The following ADARB2 variants were observed in gnomAD, a reference collection of about 807,000 sequenced individuals.
ADARB2 encodes the protein inactive double-stranded RNA-specific editase B2.
Under a neutral mutation model 62.2 loss-of-function variants are expected in ADARB2, and 25 were observed. The ratio of observed to expected loss-of-function variants is 0.40; its 90% CI spans 0.29 to 0.56. The LOEUF (loss-of-function observed/expected upper bound fraction) is 0.56. ADARB2 is among the 20% of genes least tolerant of loss of function. The pLI is 0.43. For synonymous variants in ADARB2, 572 were observed against 500.8 expected, an observed-to-expected ratio of 1.14 and a Z score of -1.90; for missense variants, 1,071 against 1,077.4, an observed-to-expected ratio of 0.99 and a Z score of 0.08.
rs1055801236 is a variant in ADARB2 at position 1,285,217 on chromosome 10, T to A, written c.1078-14148A>T. ...TTTAGAAAATGCCTGCTGAAGGGTCTCTTGGCAGCGGGGCAGGGTTAATGT... is the reference window on the plus strand; with the variant it reads ...TTTAGAAAATGCCTGCTGAAGGGTCACTTGGCAGCGGGGCAGGGTTAATGT... On this transcript the variant is annotated intron_variant, in intron 3 of 9. Transcript: ENST00000381312. Among the ~76,000 whole-genome samples the A allele has an allele frequency of 3.9e-5, 6 of 152,218 alleles. No homozygotes were observed. In the East Asian group the frequency reaches 9.6e-4, roughly 24 times the overall value.
chr10:1,482,726 G>A (rs534427422), intron 1 of ADARB2, among the ~76,000 whole-genome samples: 89 of 152,146 alleles, frequency 5.8e-4, no homozygotes, highest in South Asian at 4.4e-3. Flanking sequence ...GCTGTCTCAC[G>A]ATATTCTTGT....
intron 1 of ADARB2, chr10:1,676,100 G>T (rs1588348638): frequency 2.0e-6 from 2 of 983,914 alleles, no homozygotes; most frequent in South Asian, 4.7e-5. Flanking sequence ...CTGAAGGTTT[G>T]CAGGCATATT....
chr10:1,364,610 G>A (rs888409719), intron 2 of ADARB2, among the ~76,000 whole-genome samples: 1 of 152,172 alleles, frequency 6.6e-6, no homozygotes, highest in African/African-American at 2.4e-5. Flanking sequence ...GAATCACTAC[G>A]GAACGTGTAC....
At chr10:1,262,287 T>TATAATAATAATAATA (rs55721350) in intron 4 of ADARB2, among the ~76,000 whole-genome samples, 7,279 of 135,664 alleles carry the variant, frequency 0.054, 305 homozygotes, top group East Asian at 0.12. Flanking sequence ...AAACTTAAAG[T>TATAATAATAATAATA]ATAATAATAA....
At chr10:1,244,686 GATGTCGTATGAGAA>G (rs1469233017) in intron 4 of ADARB2, among the ~76,000 whole-genome samples, 5 of 152,190 alleles carry the variant, frequency 3.3e-5, no homozygotes, top group African/African-American at 1.2e-4. Flanking sequence ...TGCAGCATGA[GATGTCGTATGAGAA>G]ATGTCGCGGA....
chr10:1,511,516 C>T (rs1452259546), intron 1 of ADARB2, among the ~76,000 whole-genome samples: 3 of 151,962 alleles, frequency 2.0e-5, no homozygotes, highest in African/African-American at 7.3e-5. Flanking sequence ...GGGGCAGTGT[C>T]AACATTTGAT....
At chr10:1,388,051 A>G (rs1408893460) in intron 1 of ADARB2, among the ~76,000 whole-genome samples, 2 of 152,078 alleles carry the variant, frequency 1.3e-5, no homozygotes, top group African/African-American at 4.8e-5. Flanking sequence ...AAACCTCCAC[A>G]CTCATATTTA....
At chr10:1,592,713 C>G (rs112106771) in intron 1 of ADARB2, among the ~76,000 whole-genome samples, 16 of 15,682 alleles carry the variant, frequency 1.0e-3, no homozygotes, top group Non-Finnish European at 1.4e-3. Flanking sequence ...CCCAAGCCAC[C>G]CTCCATAGGT....
chr10:1,578,258 G>C (rs1008520270), intron 1 of ADARB2, among the ~76,000 whole-genome samples: 1 of 152,274 alleles, frequency 6.6e-6, no homozygotes, highest in East Asian at 1.9e-4. Context: ...AAGAGCAGGT[G>C]ACAAAGCATG....
chr10:1,405,922 C>T (rs773782591), intron 1 of ADARB2, among the ~76,000 whole-genome samples: 7 of 151,638 alleles, frequency 4.6e-5, no homozygotes, highest in Admixed American at 6.6e-5. Flanking sequence ...TAGATACACC[C>T]GTTTATTAAA....
Position 1,200,911 on chromosome 10 carries a change from T to A in ADARB2, c.1683-764A>T, listed in dbSNP as rs192783855. The stretch of plus-strand genomic sequence containing the variant: ...TTACATCATTGTTCTTTTCATTAAT[T>A]AACATTTCTCCACTGTTAGAGCAAT... On this transcript the variant is annotated intron_variant, in intron 7 of 9. Coordinates refer to ENST00000381312, the MANE Select transcript of ADARB2 (RefSeq NM_018702.4). Among the ~76,000 whole-genome samples the A allele has an allele frequency of 6.6e-5, 10 of 152,364 alleles. No homozygotes were observed. In the East Asian group the frequency reaches 1.9e-3, roughly 29 times the overall value.
intron 1 of ADARB2, among the ~76,000 whole-genome samples, chr10:1,670,012 G>A (rs1432942406): frequency 6.6e-6 from 1 of 152,238 alleles, no homozygotes; most frequent in Non-Finnish European, 1.5e-5. Context: ...TGTGGGTACA[G>A]GGCGTCTGTG....
intron 3 of ADARB2, among the ~76,000 whole-genome samples, chr10:1,342,146 G>A (rs968728195): frequency 3.9e-5 from 6 of 152,248 alleles, no homozygotes; most frequent in Admixed American, 1.3e-4. Flanking sequence ...CACTCTCAAA[G>A]ATGGGCAGTT....
At chr10:1,194,947 A>G (rs1836889578) in intron 8 of ADARB2, among the ~76,000 whole-genome samples, 2 of 152,076 alleles carry the variant, frequency 1.3e-5, no homozygotes, top group Admixed American at 1.3e-4. Flanking sequence ...TCTATTTATA[A>G]TTTTTTGTAG....
rs368155360 is a variant in ADARB2 at position 1,712,502 on chromosome 10, T to G, written c.100+24549A>C. On this transcript the variant is annotated intron_variant, in intron 1 of 9. Coordinates refer to ENST00000381312, the MANE Select transcript of ADARB2 (RefSeq NM_018702.4). The stretch of plus-strand genomic sequence containing the variant: ...AAGCACAGGGGGCAGGCACACTGTG[T>G]GTTCTCAAAGCTGGACTGGCTGTGG... Among the ~76,000 whole-genome samples the G allele has an allele frequency of 3.2e-4, 49 of 152,004 alleles. 1 individual carries two copies. In the South Asian group the frequency reaches 0.01, roughly 32 times the overall value.
intron 1 of ADARB2, among the ~76,000 whole-genome samples, chr10:1,510,167 T>TCTTC: frequency 1.6e-5 from 2 of 128,134 alleles, no homozygotes; most frequent in Non-Finnish European, 3.4e-5. Context: ...TTTCTTTCTT[T>TCTTC]CTTTTTCTTT....
At chr10:1,260,418 A>C (rs1191818459) in intron 4 of ADARB2, among the ~76,000 whole-genome samples, 1 of 151,664 alleles carries the variant, frequency 6.6e-6, no homozygotes, top group Admixed American at 6.6e-5. Flanking sequence ...GTCTCAGCCC[A>C]AAATCTCCTT....
chr10:1,553,393 C>G (rs1417661232), intron 1 of ADARB2, among the ~76,000 whole-genome samples: 3 of 152,186 alleles, frequency 2.0e-5, no homozygotes, highest in African/African-American at 7.2e-5. Flanking sequence ...GCAGCGGATT[C>G]TGACGGCGTC....
intron 6 of ADARB2, among the ~76,000 whole-genome samples, chr10:1,232,720 T>C (rs1564229282): frequency 8.1e-6 from 1 of 123,270 alleles, no homozygotes; most frequent in Non-Finnish European, 1.7e-5. Context: ...ATGTGGTATG[T>C]GTGTAGTGTA....
Sources: gnomAD v4.1 joint callset for allele counts (sites outside exome capture counted in the v4.1 genomes callset) on GRCh38, gnomAD v4.1.1 for gene constraint, MANE v1.5 for transcripts, NCBI Gene and HGNC (gene_info 2026-07-23, HGNC 2026-07-21) for gene names.